FBXO41: variants seen among roughly 807,000 people sequenced by gnomAD.
FBXO41 encodes F-box protein 41.
Under a neutral mutation model 81.6 loss-of-function variants are expected in FBXO41, and 33 were observed. That is an observed-to-expected ratio of 0.40 (90% confidence interval 0.31 to 0.54). The LOEUF (loss-of-function observed/expected upper bound fraction) is 0.54. Among genes scored for constraint, FBXO41 ranks in the 20% least tolerant of loss-of-function variants. FBXO41 has a pLI of 0.39. For missense variants in FBXO41, 1,107 were observed against 1,236.0 expected (o/e 0.90, Z 1.56); for synonymous variants, 576 against 552.7 (o/e 1.04, Z -0.59).
At position 73,258,187 on chromosome 2, in the gene FBXO41, G is replaced by A. The variant is rs1359155009; in HGVS notation, c.*795C>T. 3 of 152,288 alleles carry A rather than the reference G, an allele frequency of 2.0e-5. No homozygotes were observed. Among genetic ancestry groups the A allele is most frequent in the Non-Finnish European group, 4.4e-5 (3 of 68,110 alleles). 9.4% of individuals were successfully genotyped at this position (152,288 alleles called of 1,614,324 possible). On this transcript the variant is annotated 3_prime_UTR_variant, in exon 13 of 13. Transcript: ENST00000520530. ...GGAGGGTCCCTCAGGAATGAATGTA[G>A]GTATAGAAACGTGCGCCTTTCAGCT... is the stretch of plus-strand genomic sequence containing the variant.
rs1687741140 is a variant in FBXO41 at position 73,254,743 on chromosome 2, C to T, written c.*4239G>A. The T allele has an allele frequency of 6.6e-6, 1 of 152,602 alleles. No homozygotes were observed. Among genetic ancestry groups the T allele is most frequent in the Non-Finnish European group, 1.5e-5 (1 of 68,050 alleles). 9.5% of individuals were successfully genotyped at this position (152,602 alleles called of 1,614,324 possible). A position where few individuals can be genotyped will look rare whatever the true frequency, so the allele number is the denominator to read the frequency against. ...TACAGAGCCATAAATTCTCTGATGCCCATGTGAGTCCTTTTAAATACATAC... is the reference window on the plus strand; with the variant it reads ...TACAGAGCCATAAATTCTCTGATGCTCATGTGAGTCCTTTTAAATACATAC... On this transcript the variant is annotated 3_prime_UTR_variant, in exon 13 of 13. Transcript: ENST00000520530.
chr2:73,277,948 G>A (rs751227868), intron 1 of FBXO41, among the ~76,000 whole-genome samples: 5 of 152,162 alleles, frequency 3.3e-5, no homozygotes, highest in Non-Finnish European at 4.4e-5. Flanking sequence ...GGTTGTGGCC[G>A]GGTTGTCAAT....
chr2:73,270,809 A>G (rs1558589380), intron 1 of FBXO41: 3 of 534,144 alleles, frequency 5.6e-6, no homozygotes, highest in Middle Eastern at 3.2e-4. Context: ...TGGGGTCTCC[A>G]TCCCATTCCT....
At position 73,260,660 on chromosome 2, in the gene FBXO41, C is replaced by T. The variant is rs1427279064; in HGVS notation, c.2290+80G>A. ...CACCACCCAGGCTGCAGCCCCAAGC[C>T]CCTGTGGGATTTCACAAGGCAGCAC... On this transcript the variant is annotated intron_variant, in intron 10 of 12. Transcript: ENST00000520530. The surrounding 1 kb of genome is among the most constrained non-coding windows in gnomAD (Gnocchi z 5.0). 1 of 1,523,052 alleles carries T rather than the reference C, an allele frequency of 6.6e-7. No individual in the cohort carries two copies. Among genetic ancestry groups the T allele is most frequent in the South Asian group, 1.3e-5 (1 of 79,862 alleles). 94.3% of individuals were successfully genotyped at this position (1,523,052 alleles called of 1,614,324 possible). A position where few individuals can be genotyped will look rare whatever the true frequency, so the allele number is the denominator to read the frequency against.
At position 73,255,854 on chromosome 2, in the gene FBXO41, G is replaced by A. The variant is rs1687790325; in HGVS notation, c.*3128C>T. ...AGGCAATTCCTGAGGGGCTGGCTCA[G>A]ACTCGAGTGTCACAGAACCAAGAAA... On this transcript the variant is annotated 3_prime_UTR_variant, in exon 13 of 13. Transcript: ENST00000520530. The A allele has an allele frequency of 6.6e-6, 1 of 152,226 alleles. No individual in the cohort carries two copies. Among genetic ancestry groups the A allele is most frequent in the Admixed American group, 6.5e-5 (1 of 15,276 alleles). The allele number at this position is 152,226 out of a possible 1,614,324, so 9.4% of individuals were successfully genotyped here.
Position 73,259,399 on chromosome 2 carries a change from C to A in FBXO41, c.2450-103G>T, listed in dbSNP as rs1289444592. 5.1e-6 allele frequency: 5 copies of A among 984,772 alleles called. No homozygotes were observed. The African/African-American group carries it at 8.0e-5, about 16-fold the overall frequency. 61.0% of individuals were successfully genotyped at this position (984,772 alleles called of 1,614,324 possible). ...AAATCAGACAATCAGGTGCCAGCTA[C>A]CGGGAACACGACAGAGGAGAGCAGA... is the stretch of plus-strand genomic sequence containing the variant. On this transcript the variant is annotated intron_variant, in intron 11 of 12. Transcript: ENST00000520530. This position sits in a 1 kb window ranked among gnomAD's most constrained non-coding sequence, Gnocchi z 4.2.
At chr2:73,273,273 G>A (rs1410529562) in intron 1 of FBXO41, 1 of 152,214 alleles carries the variant, frequency 6.6e-6, no homozygotes, top group Non-Finnish European at 1.5e-5. Flanking sequence ...TGTGCTTTAA[G>A]TTTGGTGAGG....
At chr2:73,274,285 T>C (rs1688623933) in intron 1 of FBXO41, among the ~76,000 whole-genome samples, 1 of 152,250 alleles carries the variant, frequency 6.6e-6, no homozygotes, top group Admixed American at 6.5e-5. Flanking sequence ...TTTTCACACA[T>C]ACACTGGCCA....
intron 9 of FBXO41, among the ~76,000 whole-genome samples, chr2:73,262,174 G>A (rs993948536): frequency 3.2e-4 from 48 of 151,914 alleles, no homozygotes; most frequent in African/African-American, 1.1e-3. Context: ...AGTAAGCTGA[G>A]ATTGCACCAC....
Position 73,284,078 on chromosome 2 carries a change from G to A in FBXO41, c.-139+82C>T, listed in dbSNP as rs1688924394. On this transcript the variant is annotated intron_variant, in intron 1 of 12. Coordinates refer to ENST00000520530, the MANE Select transcript of FBXO41 (RefSeq NM_001371389.2). The surrounding 1 kb of genome is among the most constrained non-coding windows in gnomAD (Gnocchi z 7.4). The stretch of plus-strand genomic sequence containing the variant: ...CGGAGGGCTGTGAAGGAGCCGGAAG[G>A]GGAAGAAGGGACAGTGGCTGGGGTC... 6.6e-6 allele frequency: 1 copy of A among 152,374 alleles called. No homozygotes were observed. Among genetic ancestry groups the A allele is most frequent in the Non-Finnish European group, 1.5e-5 (1 of 68,180 alleles). 9.4% of individuals were successfully genotyped at this position (152,374 alleles called of 1,614,324 possible). A position where few individuals can be genotyped will look rare whatever the true frequency, so the allele number is the denominator to read the frequency against.
Position 73,266,406 on chromosome 2 carries a change from T to TG in FBXO41, c.1131+50dup. 1.2e-5 allele frequency: 18 copies of TG among 1,440,336 alleles called. No individual in the cohort carries two copies. Among genetic ancestry groups the TG allele is most frequent in the Non-Finnish European group, 1.5e-5 (16 of 1,089,524 alleles). The allele number at this position is 1,440,336 out of a possible 1,614,324, so 89.2% of individuals were successfully genotyped here. ...TGTCCAGCCATGTGAAAGGTGAGGT[T>TG]GTGGGGGGCCAGGTGTGCAGGTAGA... On this transcript the variant is annotated intron_variant, in intron 3 of 12. Coordinates refer to ENST00000520530, the MANE Select transcript of FBXO41 (RefSeq NM_001371389.2). The surrounding 1 kb of genome is among the most constrained non-coding windows in gnomAD (Gnocchi z 5.3).
chr2:73,266,887 ACACT>A lies in FBXO41; in HGVS notation c.906-209_906-206del. 1 of 706,926 alleles carries A rather than the reference ACACT, an allele frequency of 1.4e-6. No individual in the cohort carries two copies. Among genetic ancestry groups the A allele is most frequent in the Non-Finnish European group, 2.1e-6 (1 of 480,874 alleles). The allele number at this position is 706,926 out of a possible 1,614,324, so 43.8% of individuals were successfully genotyped here. The stretch of plus-strand genomic sequence containing the variant: ...AATGCATGCATGCACTCCGAGCCAC[ACACT>A]CACACCCCACCCACCTGGCCCCAGA... On this transcript the variant is annotated intron_variant, in intron 2 of 12. Transcript: ENST00000520530. The surrounding 1 kb of genome is among the most constrained non-coding windows in gnomAD (Gnocchi z 5.3).
chr2:73,255,912 C>T lies in FBXO41; in HGVS notation c.*3070G>A, dbSNP rs896526981. 1 of 152,318 alleles carries T rather than the reference C, an allele frequency of 6.6e-6. No homozygotes were observed. Among genetic ancestry groups the T allele is most frequent in the Non-Finnish European group, 1.5e-5 (1 of 68,144 alleles). The allele number at this position is 152,318 out of a possible 1,614,324, so 9.4% of individuals were successfully genotyped here. On this transcript the variant is annotated 3_prime_UTR_variant, in exon 13 of 13. Coordinates refer to ENST00000520530, the MANE Select transcript of FBXO41 (RefSeq NM_001371389.2). ...CTGCCTTGATCCTTAGGTGGTCTCT[C>T]CTGGCTGGGGAAAGGCTGTGGTGCT...
chr2:73,267,019 G>A (rs1451551299), intron 2 of FBXO41, among the ~76,000 whole-genome samples: 2 of 151,980 alleles, frequency 1.3e-5, no homozygotes, highest in African/African-American at 4.8e-5. Context: ...CCACACACAT[G>A]TACCCCATGT....
intron 9 of FBXO41, among the ~76,000 whole-genome samples, chr2:73,262,735 T>C (rs1281378960): frequency 6.6e-6 from 1 of 151,764 alleles, no homozygotes; most frequent in Non-Finnish European, 1.5e-5. Flanking sequence ...CTGATTTTAT[T>C]TATCTATTTA....
chr2:73,280,653 T>C (rs897486947), intron 1 of FBXO41, among the ~76,000 whole-genome samples: 1 of 152,218 alleles, frequency 6.6e-6, no homozygotes, highest in Admixed American at 6.5e-5. Context: ...AATGCTACCT[T>C]TTCCATCAAG....
chr2:73,279,256 G>C (rs1480961361), intron 1 of FBXO41, among the ~76,000 whole-genome samples: 1 of 152,174 alleles, frequency 6.6e-6, no homozygotes, highest in African/African-American at 2.4e-5. Flanking sequence ...AAAAATGGAG[G>C]AAGGCAAGTT....
chr2:73,269,399 C>G lies in FBXO41; in HGVS notation c.232G>C (p.Gly78Arg), dbSNP rs1253401482. 4.8e-6 allele frequency: 7 copies of G among 1,460,390 alleles called. No homozygotes were observed. Among genetic ancestry groups the G allele is most frequent in the Non-Finnish European group, 6.3e-6 (7 of 1,110,364 alleles). 90.5% of individuals were successfully genotyped at this position (1,460,390 alleles called of 1,614,324 possible). A position where few individuals can be genotyped will look rare whatever the true frequency, so the allele number is the denominator to read the frequency against. Residue 78 changes from glycine to arginine, a missense_variant, in exon 2 of 13, where the codon GGC (glycine) becomes CGC (arginine). Coordinates refer to ENST00000520530, the MANE Select transcript of FBXO41 (RefSeq NM_001371389.2). The surrounding 1 kb of genome is among the most constrained non-coding windows in gnomAD (Gnocchi z 7.0). ...PEPAALLAVP[G>R]ARREVFESTS... ...CTCTCGAAGACCTCTCGCCGGGCGC[C>G]GGGCACGGCCAGCAGGGCGGCGGGC... is the stretch of plus-strand genomic sequence containing the variant.
rs1647275529 is a variant in FBXO41, at chr2:73,260,323, T to C, written c.2449+66A>G. 1 of 1,546,506 alleles carries C rather than the reference T, an allele frequency of 6.5e-7. No individual in the cohort carries two copies. Among genetic ancestry groups the C allele is most frequent in the Non-Finnish European group, 8.8e-7 (1 of 1,139,772 alleles). On this transcript the variant is annotated intron_variant, in intron 11 of 12. Coordinates refer to ENST00000520530, the MANE Select transcript of FBXO41 (RefSeq NM_001371389.2). The surrounding 1 kb of genome is among the most constrained non-coding windows in gnomAD (Gnocchi z 5.0). ...CCATCTGCCCCAGTGATAGTTAGGA[T>C]ACCTGCTGACAGGGCCCCGTGGCAG... is the stretch of plus-strand genomic sequence containing the variant.
Sources: allele counts gnomAD v4.1 joint callset (sites outside exome capture counted in the v4.1 genomes callset), GRCh38; gene constraint gnomAD v4.1.1; non-coding constraint Gnocchi (gnomAD v3.1); transcripts MANE v1.5; gene names NCBI Gene and HGNC (gene_info 2026-07-23, HGNC 2026-07-21).